ZNF41: variants seen among roughly 807,000 people sequenced by gnomAD.
ZNF41 encodes zinc finger protein 41.
A neutral mutation model predicts 9.3 loss-of-function variants in ZNF41; 6 were observed. The observed-to-expected ratio is 0.65, with a 90% CI of 0.35 to 1.28. The LOEUF is 1.28. ZNF41 is among the 50% of genes most tolerant of loss of function. The pLI is 0.03. For missense variants in ZNF41, 523 were observed against 585.8 expected (o/e 0.89, Z 1.11); for synonymous variants, 192 against 207.1 (o/e 0.93, Z 0.63).
intron 1 of ZNF41, among the ~76,000 whole-genome samples, chrX:47,473,031 A>T (rs978542642): frequency 9.5e-6 from 1 of 105,244 alleles, no homozygotes; most frequent in Non-Finnish European, 2.0e-5. Flanking sequence ...TACAAAAAAA[A>T]TTTTTTTTTA....
chrX:47,462,889 C>T (rs756914137), intron 2 of ZNF41, among the ~76,000 whole-genome samples: 11 of 104,866 alleles, frequency 1.0e-4, no homozygotes, highest in East Asian at 3.0e-4. Flanking sequence ...CCACCCTACC[C>T]GGCTGATTTT....
chrX:47,462,173 T>A (rs944323431), intron 2 of ZNF41, among the ~76,000 whole-genome samples: 20 of 111,645 alleles, frequency 1.8e-4, no homozygotes, highest in African/African-American at 6.2e-4. Context: ...AGCTAATTTT[T>A]AAATTTTTAA....
chrX:47,447,467 A>G lies in ZNF41; in HGVS notation c.2303T>C (p.Met768Thr), dbSNP rs757996284. Residue 768 changes from methionine (M) to threonine (T), a missense_variant, in exon 5 of 5, where the codon ATG (methionine) becomes ACG (threonine). Coordinates refer to ENST00000684689, the MANE Select transcript of ZNF41 (RefSeq NM_001324144.2). The stretch of plus-strand genomic sequence containing the variant: ...TTTATAGCGTTTTTCTCCACTATGC[A>G]TTTTCTGGTGTTTAATGAGATTCGA... ...DRSNLIKHQK[M>T]HSGEKRYKAS... 3.3e-6 allele frequency: 4 copies of G among 1,209,208 alleles called. No individual in the cohort carries two copies. Among genetic ancestry groups the G allele is most frequent in the Admixed American group, 4.4e-5 (2 of 45,597 alleles).
intron 2 of ZNF41, among the ~76,000 whole-genome samples, chrX:47,465,624 G>C (rs893381834): frequency 1.8e-5 from 2 of 110,563 alleles, no homozygotes; most frequent in Admixed American, 1.9e-4. Flanking sequence ...GGGAGGCCAA[G>C]GCAGGAAGAT....
At chrX:47,471,310 G>A (rs1056937787) in intron 1 of ZNF41, among the ~76,000 whole-genome samples, 2 of 110,062 alleles carry the variant, frequency 1.8e-5, no homozygotes, top group African/African-American at 6.6e-5. Flanking sequence ...TTAGCCAGGC[G>A]TGGTGGCAGA....
chrX:47,478,116 C>T (rs1473295053), intron 1 of ZNF41, among the ~76,000 whole-genome samples: 2 of 111,893 alleles, frequency 1.8e-5, no homozygotes, highest in Non-Finnish European at 3.8e-5. Flanking sequence ...AGTTGCTATT[C>T]AACGGGTTAA....
chrX:47,479,828 G>T (rs1259250565), intron 1 of ZNF41, among the ~76,000 whole-genome samples: 2 of 111,708 alleles, frequency 1.8e-5, no homozygotes, highest in Non-Finnish European at 3.8e-5. Flanking sequence ...TGGGTGCGGT[G>T]GCTCATGCCT....
chrX:47,478,635 C>T (rs1223027460), intron 1 of ZNF41, among the ~76,000 whole-genome samples: 1 of 111,541 alleles, frequency 9.0e-6, no homozygotes. Flanking sequence ...GCTTTGAAAA[C>T]ATTAGGCTAA....
intron 1 of ZNF41, among the ~76,000 whole-genome samples, chrX:47,469,446 G>T (rs2057111633): frequency 9.2e-6 from 1 of 108,768 alleles, no homozygotes; most frequent in South Asian, 3.8e-4. Context: ...AAATGGAATA[G>T]AAACAGAAAT....
At chrX:47,455,168 C>G (rs368735179) in intron 4 of ZNF41, among the ~76,000 whole-genome samples, 1 of 110,131 alleles carries the variant, frequency 9.1e-6, no homozygotes, top group Admixed American at 9.8e-5. Context: ...TCGCTTGAAC[C>G]TGGGAGGCAG....
At position 47,449,152 on chromosome X, in the gene ZNF41, A is replaced by G. The variant is rs1021333171; in HGVS notation, c.618T>C (p.Asn206=). 1 of 1,211,584 alleles carries G rather than the reference A, an allele frequency of 8.3e-7. No homozygotes were observed. The highest frequency in any genetic ancestry group is 1.1e-6 in the Non-Finnish European group (1 of 895,469). The part of the protein sequence containing the change: ...LKHTLNSHNH[N]RNSATKNLGK... ...CAAGGTTCTTTGTTGCACTGTTTCT[A>G]TTATGATTATGTGAGTTTAAAGTAT... The change falls in exon 5 of 5, where the codon AAT becomes AAC. Residue 206 remains asparagine, a synonymous_variant. Transcript: ENST00000684689.
chrX:47,456,199 G>A, intron 3 of ZNF41, 73 bp downstream of exon 3: 1 of 1,166,741 alleles, frequency 8.6e-7, no homozygotes, highest in Non-Finnish European at 1.2e-6. Context: ...ACATAGGTTA[G>A]GTGTCGGGCA....
chrX:47,460,917 A>G (rs1298959645), intron 2 of ZNF41, among the ~76,000 whole-genome samples: 1 of 111,332 alleles, frequency 9.0e-6, no homozygotes, highest in African/African-American at 3.3e-5. Flanking sequence ...GCCCACGTGG[A>G]ATATGTGCAC....
At chrX:47,482,689 G>C (rs910074669) in intron 1 of ZNF41, 5 of 113,107 alleles carry the variant, frequency 4.4e-5, no homozygotes, top group Non-Finnish European at 7.5e-5. Flanking sequence ...CTGTCTCCTT[G>C]GGAGTGTCTC....
intron 1 of ZNF41, among the ~76,000 whole-genome samples, chrX:47,473,980 C>T (rs2057263501): frequency 8.9e-6 from 1 of 112,187 alleles, no homozygotes; most frequent in Non-Finnish European, 1.9e-5. Context: ...CTGTTCGTTA[C>T]AGCTTGATAT....
At chrX:47,468,660 C>G (rs1217681940) in intron 1 of ZNF41, among the ~76,000 whole-genome samples, 1 of 111,362 alleles carries the variant, frequency 9.0e-6, no homozygotes, top group Non-Finnish European at 1.9e-5. Flanking sequence ...CAAAGCAACT[C>G]ACACAGTACT....
At position 47,456,406 on chromosome X, in the gene ZNF41, G is replaced by C. The variant is rs373062564; in HGVS notation, c.73-8C>G. On this transcript the variant is annotated splice_polypyrimidine_tract_variant and splice_region_variant and intron_variant, in intron 2 of 4. Coordinates refer to ENST00000684689, the MANE Select transcript of ZNF41 (RefSeq NM_001324144.2). ...CTCAAATGACACTGAAGCCTGTAAC[G>C]ACACAATGCTGTTCAAGGCAGCATG... The C allele has an allele frequency of 8.3e-7, 1 of 1,211,251 alleles. No homozygotes were observed. Among genetic ancestry groups the C allele is most frequent in the Non-Finnish European group, 1.1e-6 (1 of 895,225 alleles).
At position 47,475,816 on chromosome X, in the gene ZNF41, A is replaced by G. The variant is rs917447487; in HGVS notation, c.-280+7279T>C. Among the ~76,000 whole-genome samples, 2 of 111,671 alleles carry G rather than the reference A, an allele frequency of 1.8e-5. 1 individual carries two copies. Among genetic ancestry groups the G allele is most frequent in the Non-Finnish European group, 3.8e-5 (2 of 53,085 alleles). On this transcript the variant is annotated intron_variant, in intron 1 of 4. Coordinates refer to ENST00000684689, the MANE Select transcript of ZNF41 (RefSeq NM_001324144.2). The stretch of plus-strand genomic sequence containing the variant: ...AAAGAAAAAAATACATTACTAACTC[A>G]AATCTGACCATGACTCATAAGGAAA...
At chrX:47,464,066 T>C (rs1233200904) in intron 2 of ZNF41, among the ~76,000 whole-genome samples, 1 of 111,458 alleles carries the variant, frequency 9.0e-6, no homozygotes, top group Admixed American at 9.6e-5. Context: ...ATTCTTCTGC[T>C]TCCTCACCCC....
Sources: gnomAD v4.1 joint callset for allele counts (sites outside exome capture counted in the v4.1 genomes callset) on GRCh38, gnomAD v4.1.1 for gene constraint, MANE v1.5 for transcripts, NCBI Gene and HGNC (gene_info 2026-07-23, HGNC 2026-07-21) for gene names.